The following MYO16 variants were observed in gnomAD, a reference collection of about 807,000 sequenced individuals.
The protein encoded by MYO16 is unconventional myosin-XVI.
MYO16 carries 94 observed loss-of-function variants against 205.3 expected under a neutral mutation model. The observed-to-expected ratio is 0.46, with a 90% CI of 0.39 to 0.54. The LOEUF is 0.54. Among genes scored for constraint, MYO16 ranks in the 20% least tolerant of loss-of-function variants. The probability of loss-of-function intolerance (pLI) is 0.00; values close to 1 mark genes in which losing one functional copy is unlikely to be tolerated. For synonymous variants in MYO16, 988 were observed against 954.0 expected, an observed-to-expected ratio of 1.04 and a Z score of -0.66; for missense variants, 2,315 against 2,387.5, an observed-to-expected ratio of 0.97 and a Z score of 0.63.
At position 108,961,641 on chromosome 13, in the gene MYO16, C is replaced by A. The variant is rs1883586635; in HGVS notation, c.2140C>A (p.Gln714Lys). ...GAACTCCGCCTTCGTTTCTGACCTC[C>A]AGCTCCTGGAACAAGGTCAGTGGAA... Reference protein sequence around the residue: ...EGNSAFVSDLQLLEQVAGMLQ... With the variant: ...EGNSAFVSDLKLLEQVAGMLQ... Residue 714 changes from glutamine to lysine, a missense_variant, in exon 18 of 35, where the codon CAG becomes AAG. Physicochemically the swap from Gln to Lys is moderately conservative, Grantham distance 53. Around this residue, in one of 3 missense-constraint regions of MYO16, gnomAD observed 1,213 missense variants for 1,274.4 expected, o/e 0.95. Coordinates refer to ENST00000457511, the MANE Select transcript of MYO16 (RefSeq NM_001198950.3). 1 of 1,613,018 alleles carries A rather than the reference C, an allele frequency of 6.2e-7. No homozygotes were observed. Among genetic ancestry groups the A allele is most frequent in the African/African-American group, 1.3e-5 (1 of 74,894 alleles).
At chr13:108,741,071 C>A (rs888339248) in intron 4 of MYO16, among the ~76,000 whole-genome samples, 2 of 152,130 alleles carry the variant, frequency 1.3e-5, no homozygotes, top group Non-Finnish European at 2.9e-5. Flanking sequence ...TCCCTGACCC[C>A]TTGTGCTTCC....
intron 27 of MYO16, among the ~76,000 whole-genome samples, chr13:109,075,960 G>C (rs1888086402): frequency 6.6e-6 from 1 of 152,136 alleles, no homozygotes; most frequent in Non-Finnish European, 1.5e-5. Flanking sequence ...TTATCTGGAA[G>C]GTTGTGAACA....
At position 109,126,549 on chromosome 13, in the gene MYO16, T is replaced by C. The variant is rs954972859; in HGVS notation, c.3783-733T>C. ...TGACTTCCAAAATAATATTTATTAT[T>C]TTCTCTGCTGGAACTAAACGGCCAC... On this transcript the variant is annotated intron_variant, in intron 30 of 34. Coordinates refer to ENST00000457511, the MANE Select transcript of MYO16 (RefSeq NM_001198950.3). Among the ~76,000 whole-genome samples the C allele has an allele frequency of 2.6e-5, 4 of 152,242 alleles. No individual in the cohort carries two copies. In the East Asian group the frequency reaches 5.8e-4, roughly 22 times the overall value.
intron 23 of MYO16, among the ~76,000 whole-genome samples, chr13:109,025,551 ATATT>A (rs1379457802): frequency 1.3e-5 from 2 of 152,156 alleles, no homozygotes; most frequent in African/African-American, 4.8e-5. Context: ...TTTTGGCTAG[ATATT>A]TGTTTTAGCA....
intron 20 of MYO16, among the ~76,000 whole-genome samples, chr13:108,971,595 A>C (rs1390610357): frequency 2.6e-5 from 4 of 151,516 alleles, no homozygotes; most frequent in Non-Finnish European, 5.9e-5. Context: ...ATGTATATTA[A>C]TACATTAAAA....
At chr13:108,643,541 C>T (rs1426443770) in intron 1 of MYO16, among the ~76,000 whole-genome samples, 1 of 152,140 alleles carries the variant, frequency 6.6e-6, no homozygotes, top group Admixed American at 6.6e-5. Context: ...CTGGGTATGG[C>T]AAGTGTGTTT....
At chr13:108,826,443 G>T (rs1876271230) in intron 9 of MYO16, among the ~76,000 whole-genome samples, 1 of 152,080 alleles carries the variant, frequency 6.6e-6, no homozygotes, top group African/African-American at 2.4e-5. Context: ...TTGACCTAAT[G>T]TAAGAGCTAA....
intron 13 of MYO16, among the ~76,000 whole-genome samples, chr13:108,886,851 A>G (rs1408389707): frequency 2.6e-5 from 4 of 152,068 alleles, no homozygotes; most frequent in Non-Finnish European, 5.9e-5. Context: ...GTCCTGATAT[A>G]CAGAATGGAA....
At chr13:108,676,390 T>C (rs2139457076) in intron 2 of MYO16, among the ~76,000 whole-genome samples, 1 of 146,946 alleles carries the variant, frequency 6.8e-6, no homozygotes, top group South Asian at 2.2e-4. Context: ...TGTGTGTGTG[T>C]GTGTGTGTGT....
At chr13:108,997,515 A>G (rs1885070065) in intron 21 of MYO16, among the ~76,000 whole-genome samples, 1 of 152,110 alleles carries the variant, frequency 6.6e-6, no homozygotes, top group African/African-American at 2.4e-5. Context: ...CATTTGTTCA[A>G]AATAAAAGCT....
At chr13:108,676,169 A>C (rs1882193805) in intron 2 of MYO16, among the ~76,000 whole-genome samples, 1 of 152,210 alleles carries the variant, frequency 6.6e-6, no homozygotes, top group Admixed American at 6.5e-5. Flanking sequence ...CGTTTTAGGC[A>C]ATCATATTTT....
At chr13:108,529,158 A>G in the MYO16 span, among the ~76,000 whole-genome samples, 1 of 152,132 alleles carries the variant, frequency 6.6e-6, no homozygotes, top group African/African-American at 2.4e-5. Flanking sequence ...TGGTTTAACT[A>G]TATATTTCCT....
the MYO16 span, among the ~76,000 whole-genome samples, chr13:108,537,550 G>A: frequency 6.6e-6 from 1 of 152,020 alleles, no homozygotes; most frequent in African/African-American, 2.4e-5. Flanking sequence ...GTAGTTTTAT[G>A]TTTAGTTTCT....
At chr13:108,698,672 TGAGAAAC>T (rs1883182153) in intron 2 of MYO16, among the ~76,000 whole-genome samples, 1 of 151,960 alleles carries the variant, frequency 6.6e-6, no homozygotes. Flanking sequence ...GAAAGGAGAG[TGAGAAAC>T]AACCAGTTTA....
the MYO16 span, among the ~76,000 whole-genome samples, chr13:108,525,703 C>G: frequency 0.33 from 50,167 of 152,118 alleles, 10,137 homozygotes; most frequent in African/African-American, 0.57. Flanking sequence ...GTGGACCACT[C>G]TCTGGTGGCC....
chr13:108,835,298 A>G (rs550454199), intron 9 of MYO16, among the ~76,000 whole-genome samples: 2 of 152,138 alleles, frequency 1.3e-5, no homozygotes, highest in Admixed American at 1.3e-4. Context: ...AGCATCTGGC[A>G]TTTCCCCCTG....
At chr13:108,770,039 A>G (rs560381015) in intron 4 of MYO16, among the ~76,000 whole-genome samples, 1 of 152,330 alleles carries the variant, frequency 6.6e-6, no homozygotes, top group East Asian at 1.9e-4. Context: ...ATTGGTATAT[A>G]AATGTAATGG....
At chr13:109,079,023 C>CA (rs1226132904) in intron 27 of MYO16, among the ~76,000 whole-genome samples, 3 of 148,950 alleles carry the variant, frequency 2.0e-5, no homozygotes, top group African/African-American at 7.4e-5. Flanking sequence ...CCTATCTGTG[C>CA]AGCTGTCTCC....
chr13:108,881,545 C>T (rs1029815931), intron 12 of MYO16, among the ~76,000 whole-genome samples: 9 of 151,954 alleles, frequency 5.9e-5, no homozygotes, highest in Non-Finnish European at 8.8e-5. Flanking sequence ...CTAAAAACCT[C>T]GAAAAAAGAT....
Sources: gnomAD v4.1 joint callset for allele counts (sites outside exome capture counted in the v4.1 genomes callset) on GRCh38, gnomAD v4.1.1 for gene constraint, gnomAD v4.1.1 regional missense constraint, MANE v1.5 for transcripts, NCBI Gene and HGNC (gene_info 2026-07-23, HGNC 2026-07-21) for gene names.